PTPRT: variants seen among roughly 807,000 people sequenced by gnomAD.
The protein encoded by PTPRT is protein tyrosine phosphatase receptor type T, also known as receptor-type tyrosine-protein phosphatase T.
PTPRT carries 56 observed loss-of-function variants against 176.8 expected under a neutral mutation model. The observed-to-expected ratio is 0.32, with a 90% CI of 0.26 to 0.40. The LOEUF (loss-of-function observed/expected upper bound fraction) is 0.40. PTPRT is among the 10% of genes least tolerant of loss of function. The pLI is 1.00. For synonymous variants in PTPRT, 783 were observed against 739.0 expected (o/e 1.06, Z -0.96); for missense variants, 1,540 against 1,908.2 (o/e 0.81, Z 3.60).
intron 2 of PTPRT, among the ~76,000 whole-genome samples, chr20:42,802,164 T>A (rs1228247156): frequency 6.6e-6 from 1 of 152,232 alleles, no homozygotes; most frequent in Non-Finnish European, 1.5e-5. Context: ...TCTGCACTTC[T>A]AACAAGTTTC....
At chr20:43,087,615 C>T (rs532330178) in intron 1 of PTPRT, among the ~76,000 whole-genome samples, 9 of 152,132 alleles carry the variant, frequency 5.9e-5, no homozygotes, top group East Asian at 1.9e-4. Context: ...CTGCCTGCCT[C>T]GGCCTCCCAA....
At chr20:43,070,503 C>T (rs2011165901) in intron 1 of PTPRT, among the ~76,000 whole-genome samples, 1 of 152,174 alleles carries the variant, frequency 6.6e-6, no homozygotes, top group Non-Finnish European at 1.5e-5. Context: ...ACAAATCATG[C>T]TGCTATAAAA....
intron 1 of PTPRT, among the ~76,000 whole-genome samples, chr20:43,118,179 G>A (rs978673369): frequency 4.6e-5 from 7 of 152,156 alleles, no homozygotes; most frequent in Non-Finnish European, 1.0e-4. Context: ...TCATGAGGTC[G>A]TGCTCCAATA....
chr20:43,164,996 T>A (rs1274119142), intron 1 of PTPRT, among the ~76,000 whole-genome samples: 1 of 152,034 alleles, frequency 6.6e-6, no homozygotes, highest in Non-Finnish European at 1.5e-5. Context: ...CACACAAATC[T>A]CATCTTGAAT....
chr20:42,564,731 C>T (rs1283696298), intron 7 of PTPRT, among the ~76,000 whole-genome samples: 2 of 152,086 alleles, frequency 1.3e-5, no homozygotes, highest in Admixed American at 6.6e-5. Context: ...ACGTTCTGCA[C>T]ATGTATCTCA....
Position 42,874,222 on chromosome 20 carries a change from C to T in PTPRT, c.214+11585G>A, listed in dbSNP as rs147163759. 6.6e-3 allele frequency among the ~76,000 whole-genome samples: 1,010 copies of T among 152,258 alleles called. 4 individuals carry two copies. The highest frequency in any genetic ancestry group is 0.011 in the Non-Finnish European group (754 of 68,022). On this transcript the variant is annotated intron_variant, in intron 2 of 30. Coordinates refer to ENST00000373187, the MANE Select transcript of PTPRT (RefSeq NM_007050.6). Reference sequence around the variant, plus strand: ...CAGGAAACAGAGGAATCTTGAAGAACGTCATCTCTGTGGTCCTGTTAAATG... The same window carrying T: ...CAGGAAACAGAGGAATCTTGAAGAATGTCATCTCTGTGGTCCTGTTAAATG...
chr20:42,361,039 G>T (rs948571040), intron 9 of PTPRT, among the ~76,000 whole-genome samples: 1 of 152,164 alleles, frequency 6.6e-6, no homozygotes, highest in Non-Finnish European at 1.5e-5. Flanking sequence ...AGTATTCTCC[G>T]CCCCACCCTG....
At chr20:42,722,563 G>A (rs4812638) in intron 6 of PTPRT, among the ~76,000 whole-genome samples, 11 of 151,940 alleles carry the variant, frequency 7.2e-5, no homozygotes, top group Non-Finnish European at 1.0e-4. Flanking sequence ...CTGACTCCCC[G>A]TCTCTGTCCT....
chr20:42,454,142 T>C (rs990870762), intron 8 of PTPRT, among the ~76,000 whole-genome samples: 3 of 152,212 alleles, frequency 2.0e-5, no homozygotes, highest in African/African-American at 4.8e-5. Context: ...GATTTGCGTT[T>C]GTCACTCATC....
intron 7 of PTPRT, among the ~76,000 whole-genome samples, chr20:42,503,664 T>C (rs1361353035): frequency 6.6e-6 from 1 of 152,120 alleles, no homozygotes; most frequent in Non-Finnish European, 1.5e-5. Context: ...CAGCATTTTA[T>C]ACTTGTCAAC....
intron 1 of PTPRT, among the ~76,000 whole-genome samples, chr20:43,134,273 C>G (rs2013749846): frequency 6.6e-6 from 1 of 152,214 alleles, no homozygotes; most frequent in South Asian, 2.1e-4. Context: ...CTTGGCCAAA[C>G]TTTAGTCAGG....
intron 7 of PTPRT, among the ~76,000 whole-genome samples, chr20:42,488,139 T>C (rs1407500156): frequency 6.6e-6 from 1 of 152,174 alleles, no homozygotes; most frequent in Non-Finnish European, 1.5e-5. Context: ...CATTTATCAA[T>C]CTGCTCCCCA....
chr20:42,802,903 T>C (rs933981909), intron 2 of PTPRT, among the ~76,000 whole-genome samples: 2 of 152,216 alleles, frequency 1.3e-5, no homozygotes, highest in Non-Finnish European at 2.9e-5. Flanking sequence ...GAGGTGATGA[T>C]GGCAAAAGTT....
intron 1 of PTPRT, among the ~76,000 whole-genome samples, chr20:43,092,434 T>C (rs944955108): frequency 3.3e-5 from 5 of 152,200 alleles, no homozygotes; most frequent in Non-Finnish European, 7.3e-5. Context: ...TGCATTGTAG[T>C]ATTTAGAACT....
rs565024202 is a variant in PTPRT, at chr20:42,413,416, A to G, written c.1560+34804T>C. On this transcript the variant is annotated intron_variant, in intron 9 of 30. Coordinates refer to ENST00000373187, the MANE Select transcript of PTPRT (RefSeq NM_007050.6). ...ATGGTACTAGGACATAAAAAGTGAAAGACAATTTAGGAATTCCTTTTTAAA... is the reference window on the plus strand; with the variant it reads ...ATGGTACTAGGACATAAAAAGTGAAGGACAATTTAGGAATTCCTTTTTAAA... Among the ~76,000 whole-genome samples, 6 of 152,306 alleles carry G rather than the reference A, an allele frequency of 3.9e-5. No homozygotes were observed. In the South Asian group the frequency reaches 1.0e-3, roughly 26 times the overall value.
rs576006716 is a variant in PTPRT, at chr20:43,102,689, C to T, written c.88+86957G>A. ...GGAGAATCATCCCTACTTCCTTATA[C>T]CTTGGTGGGCAATTATGAGTCTCTC... On this transcript the variant is annotated intron_variant, in intron 1 of 30. Transcript: ENST00000373187. 1.1e-4 allele frequency among the ~76,000 whole-genome samples: 16 copies of T among 152,260 alleles called. No individual in the cohort carries two copies. The South Asian group carries it at 3.3e-3, about 32-fold the overall frequency.
intron 9 of PTPRT, among the ~76,000 whole-genome samples, chr20:42,374,886 C>T (rs2058632355): frequency 6.6e-6 from 1 of 152,132 alleles, no homozygotes; most frequent in Admixed American, 6.5e-5. Context: ...TAGAATCTGA[C>T]ACAGAGAGCA....
intron 11 of PTPRT, among the ~76,000 whole-genome samples, chr20:42,318,861 A>C (rs1466496979): frequency 2.6e-5 from 4 of 152,108 alleles, no homozygotes; most frequent in Non-Finnish European, 1.5e-5. Context: ...CTGGGACTGA[A>C]TCCCCCTCCA....
At chr20:42,780,102 A>T in intron 4 of PTPRT, 116 bp downstream of exon 4, 1 of 859,718 alleles carries the variant, frequency 1.2e-6, no homozygotes, top group East Asian at 2.4e-5. Context: ...AAGGATTCAA[A>T]GAGAAAGAGA....
Sources: allele counts gnomAD v4.1 joint callset (sites outside exome capture counted in the v4.1 genomes callset), GRCh38; gene constraint gnomAD v4.1.1; transcripts MANE v1.5; gene names NCBI Gene and HGNC (gene_info 2026-07-23, HGNC 2026-07-21).